CDCA2: variants seen among roughly 807,000 people sequenced by gnomAD.
CDCA2 encodes the protein cell division cycle-associated protein 2.
In CDCA2, 44 loss-of-function variants were observed where a neutral mutation model predicts 67.0. The ratio of observed to expected loss-of-function variants is 0.66; its 90% CI spans 0.52 to 0.84. The LOEUF (loss-of-function observed/expected upper bound fraction) is 0.84. CDCA2 is among the 40% of genes least tolerant of loss of function. The pLI is 0.00. For synonymous variants in CDCA2, 447 were observed against 418.7 expected (o/e 1.07, Z -0.82); for missense variants, 1,253 against 1,203.2 (o/e 1.04, Z -0.61).
intron 13 of CDCA2, among the ~76,000 whole-genome samples, chr8:25,499,752 C>T (rs919767590): frequency 1.3e-5 from 2 of 152,178 alleles, no homozygotes; most frequent in Non-Finnish European, 1.5e-5. Flanking sequence ...TTGGAGTAAA[C>T]GAAATTGCTT....
intron 7 of CDCA2, among the ~76,000 whole-genome samples, chr8:25,478,888 G>GTATATATATATATATATATATATATA (rs71511103): frequency 4.5e-5 from 5 of 111,580 alleles, no homozygotes; most frequent in Admixed American, 2.6e-4. Context: ...TTGTGTGTGT[G>GTATATATATATATATATATATATATA]TATATATATA....
intron 7 of CDCA2, among the ~76,000 whole-genome samples, chr8:25,474,895 G>T (rs1011486245): frequency 1.3e-5 from 2 of 152,012 alleles, no homozygotes; most frequent in African/African-American, 2.4e-5. Flanking sequence ...GCCCAGGGTA[G>T]GGTTAAGCAG....
chr8:25,468,183 C>G, intron 5 of CDCA2, 34 bp from the exon 6 acceptor site: 1 of 1,192,950 alleles, frequency 8.4e-7, no homozygotes, highest in Non-Finnish European at 1.2e-6. Flanking sequence ...AACATTTATG[C>G]CTGTGTCGTT....
intron 13 of CDCA2, among the ~76,000 whole-genome samples, chr8:25,494,343 A>G (rs1804123467): frequency 6.6e-6 from 1 of 152,196 alleles, no homozygotes; most frequent in Non-Finnish European, 1.5e-5. Flanking sequence ...AAACCCAATA[A>G]CAATACAACA....
intron 10 of CDCA2, among the ~76,000 whole-genome samples, chr8:25,484,521 C>G (rs1309534827): frequency 6.6e-6 from 1 of 151,848 alleles, no homozygotes; most frequent in Non-Finnish European, 1.5e-5. Context: ...CTCATTATCC[C>G]TATATCAACT....
In CDCA2 at chr8:25,505,028, G is replaced by A. The variant is rs377438337; in HGVS notation, c.1844-1482G>A. On this transcript the variant is annotated intron_variant, in intron 14 of 14. Transcript: ENST00000330560. ...GAATTTATTTTTTAAAATACCTAAA[G>A]CATTTTTTGTCTGTAACCAGTGGTA... Among the ~76,000 whole-genome samples, 11 of 152,200 alleles carry A rather than the reference G, an allele frequency of 7.2e-5. No homozygotes were observed. In the East Asian group the frequency reaches 1.9e-3, roughly 27 times the overall value.
chr8:25,501,832 G>A (rs1022049714), intron 13 of CDCA2, among the ~76,000 whole-genome samples: 3 of 152,110 alleles, frequency 2.0e-5, no homozygotes, highest in Non-Finnish European at 4.4e-5. Flanking sequence ...TTATTACCTG[G>A]CACACAGCAG....
chr8:25,490,309 A>G (rs1467727027), intron 13 of CDCA2, among the ~76,000 whole-genome samples: 1 of 152,080 alleles, frequency 6.6e-6, no homozygotes. Context: ...AGTCACTGCA[A>G]TCCCTCCCAG....
chr8:25,498,337 A>G (rs1408016557), intron 13 of CDCA2, among the ~76,000 whole-genome samples: 1 of 151,598 alleles, frequency 6.6e-6, no homozygotes, highest in East Asian at 1.9e-4. Context: ...CCTCCCCAGT[A>G]GCTGGGACTA....
At chr8:25,499,087 C>G (rs754192920) in intron 13 of CDCA2, among the ~76,000 whole-genome samples, 6 of 151,962 alleles carry the variant, frequency 3.9e-5, no homozygotes, top group Non-Finnish European at 7.4e-5. Flanking sequence ...CTGATGGGTA[C>G]ATGGGGTTCT....
Position 25,506,915 on chromosome 8 carries a change from GT to G in CDCA2, c.2250del (p.Gln751SerfsTer9). 6.2e-7 allele frequency: 1 copy of G among 1,612,692 alleles called. No individual in the cohort carries two copies. Among genetic ancestry groups the G allele is most frequent in the Non-Finnish European group, 8.5e-7 (1 of 1,179,366 alleles). The part of the protein sequence containing the change: ...SAGGQNAENL[C>X]QFFKISPDLN... ...GGTGGTCAAAATGCAGAAAACCTTT[GT>G]CAGTTCTTTAAAATTTCACCAGATT... On this transcript the variant is annotated frameshift_variant, in exon 15 of 15. Transcript: ENST00000330560. LOFTEE classifies it low-confidence loss of function (END_TRUNC).
At chr8:25,497,974 A>G (rs563660634) in intron 13 of CDCA2, among the ~76,000 whole-genome samples, 29 of 152,200 alleles carry the variant, frequency 1.9e-4, no homozygotes, top group Non-Finnish European at 3.5e-4. Context: ...TTCTATAGGA[A>G]AAATGCCTCA....
intron 14 of CDCA2, 63 bp from the exon 15 acceptor site, chr8:25,506,447 A>C (rs1308765583): frequency 7.2e-7 from 1 of 1,391,622 alleles, no homozygotes; most frequent in Non-Finnish European, 9.6e-7. Context: ...TTATTTAATA[A>C]ATGTAAAGTT....
chr8:25,477,343 T>C (rs748404676), intron 7 of CDCA2, among the ~76,000 whole-genome samples: 61 of 152,216 alleles, frequency 4.0e-4, no homozygotes, highest in Non-Finnish European at 1.9e-4. Context: ...GCTCCTCTTC[T>C]TTCATCCTGA....
intron 7 of CDCA2, among the ~76,000 whole-genome samples, chr8:25,476,485 A>T (rs915734655): frequency 6.6e-6 from 1 of 151,708 alleles, no homozygotes; most frequent in East Asian, 1.9e-4. Flanking sequence ...GCATCTCTGT[A>T]TGTGTGTATC....
rs71511103 is a variant in CDCA2, at chr8:25,478,888, GTATATA to G, written c.821-1005_821-1000del. 3.4e-3 allele frequency among the ~76,000 whole-genome samples: 381 copies of G among 111,602 alleles called. 2 individuals carry two copies. Among genetic ancestry groups the G allele is most frequent in the African/African-American group, 0.012 (309 of 25,184 alleles). 73.2% of individuals were successfully genotyped at this position (111,602 alleles called of 152,430 possible). ...TATATTAACTACTTGTTGTGTGTGT[GTATATA>G]TATATATATATATATATATTAACTT... is the stretch of plus-strand genomic sequence containing the variant. On this transcript the variant is annotated intron_variant, in intron 7 of 14. Coordinates refer to ENST00000330560, the MANE Select transcript of CDCA2 (RefSeq NM_152562.4).
At chr8:25,467,601 A>T (rs963999704) in intron 5 of CDCA2, among the ~76,000 whole-genome samples, 2 of 152,192 alleles carry the variant, frequency 1.3e-5, no homozygotes, top group Non-Finnish European at 2.9e-5. Flanking sequence ...TCATCATTTA[A>T]AAAGCGTGAG....
At chr8:25,476,594 C>T (rs572241532) in intron 7 of CDCA2, among the ~76,000 whole-genome samples, 23 of 151,836 alleles carry the variant, frequency 1.5e-4, no homozygotes, top group African/African-American at 5.6e-4. Context: ...ACTCTGCCGC[C>T]CAGGCTGTAG....
chr8:25,499,251 C>T (rs964614018), intron 13 of CDCA2, among the ~76,000 whole-genome samples: 2 of 151,212 alleles, frequency 1.3e-5, no homozygotes, highest in South Asian at 2.1e-4. Flanking sequence ...GCTTGATCAC[C>T]GTAACCTCTC....
Sources: allele counts gnomAD v4.1 joint callset (sites outside exome capture counted in the v4.1 genomes callset), GRCh38; gene constraint gnomAD v4.1.1; transcripts MANE v1.5; gene names NCBI Gene and HGNC (gene_info 2026-07-23, HGNC 2026-07-21).